Variants in RAD51B observed in about 807,000 individuals in gnomAD.
The protein encoded by RAD51B is RAD51 paralog B.
A neutral mutation model predicts 42.2 loss-of-function variants in RAD51B; 38 were observed. The observed-to-expected ratio is 0.90, with a 90% CI of 0.70 to 1.18. The LOEUF is 1.18. Among genes scored for constraint, RAD51B ranks in the 50% most tolerant of loss-of-function variants. RAD51B has a pLI of 0.00. For missense variants in RAD51B, 373 were observed against 400.7 expected (o/e 0.93, Z 0.59); for synonymous variants, 154 against 145.2 (o/e 1.06, Z -0.43).
intron 10 of RAD51B, among the ~76,000 whole-genome samples, chr14:68,502,400 G>A (rs1000360705): frequency 3.3e-5 from 5 of 152,208 alleles, no homozygotes; most frequent in African/African-American, 1.2e-4. Flanking sequence ...CTCCCCCCAC[G>A]GGCCGCCCGG....
downstream of RAD51B, among the ~76,000 whole-genome samples, chr14:68,482,180 T>TGTGTGTGTGTGG: frequency 6.6e-6 from 1 of 151,458 alleles, no homozygotes; most frequent in South Asian, 2.1e-4. Flanking sequence ...TTTAGGGGTG[T>TGTGTGTGTGTGG]GTGTGTGTGT....
At chr14:68,411,695 T>C (rs1217145232) in intron 9 of RAD51B, among the ~76,000 whole-genome samples, 168 bp downstream of exon 9, 2 of 152,084 alleles carry the variant, frequency 1.3e-5, no homozygotes, top group African/African-American at 2.4e-5. Flanking sequence ...ACAGTTATAA[T>C]AAAGTGGGGA....
At chr14:68,328,227 A>G (rs906697604) in intron 8 of RAD51B, among the ~76,000 whole-genome samples, 16 of 152,202 alleles carry the variant, frequency 1.1e-4, no homozygotes, top group Admixed American at 3.3e-4. Flanking sequence ...TCTTAGATCT[A>G]TGGGAACAAT....
In RAD51B at chr14:68,682,102, C is replaced by CT. The variant is rs1047697756; in HGVS notation, c.*11+31255dup. 3.7e-4 allele frequency among the ~76,000 whole-genome samples: 56 copies of CT among 151,610 alleles called. No homozygotes were observed. In the East Asian group the frequency reaches 7.0e-3, roughly 19 times the overall value. On this transcript the variant is annotated intron_variant, in intron 11 of 11. Transcript: ENST00000488612. ...CGTGCCTTAAACTTATGTCATCTCA[C>CT]TTTTTTTTTGTCAGCAGCCTAGAGG...
intron 10 of RAD51B, among the ~76,000 whole-genome samples, chr14:68,489,422 C>A (rs1466304554): frequency 6.6e-6 from 1 of 152,138 alleles, no homozygotes; most frequent in African/African-American, 2.4e-5. Context: ...TTATTTAATG[C>A]ATGTAAGTAC....
rs770351456 is a variant in RAD51B at position 68,291,917 on chromosome 14, AG to A, written c.791del (p.Ser264MetfsTer29). 1 of 1,613,786 alleles carries A rather than the reference AG, an allele frequency of 6.2e-7. No individual in the cohort carries two copies. Among genetic ancestry groups the A allele is most frequent in the Non-Finnish European group, 8.5e-7 (1 of 1,179,824 alleles). ...ILTNQITTHL[S>X]GALASQADLV... ...GACGAATCAGATTACAACCCATCTG[AG>A]TGGAGCCCTGGCTTCTCAGGCAGAC... On this transcript the variant is annotated frameshift_variant, in exon 8 of 11. Coordinates refer to ENST00000471583, the MANE Select transcript of RAD51B (RefSeq NM_133510.4). LOFTEE classifies it high-confidence loss of function.
At chr14:68,127,352 A>G (rs1201771282) in intron 7 of RAD51B, among the ~76,000 whole-genome samples, 1 of 152,084 alleles carries the variant, frequency 6.6e-6, no homozygotes, top group Non-Finnish European at 1.5e-5. Context: ...TACTGTTTCA[A>G]CGATTTGTTT....
At chr14:68,585,648 G>T (rs368957862) in intron 10 of RAD51B, among the ~76,000 whole-genome samples, 1 of 152,126 alleles carries the variant, frequency 6.6e-6, no homozygotes, top group South Asian at 2.1e-4. Flanking sequence ...AAATCAGCTG[G>T]AACAGGGCAG....
intron 10 of RAD51B, among the ~76,000 whole-genome samples, chr14:68,586,386 G>A (rs566553637): frequency 3.9e-5 from 6 of 152,252 alleles, no homozygotes; most frequent in South Asian, 2.1e-4. Context: ...TTTGCGGTGC[G>A]CCCAAGAACC....
intron 7 of RAD51B, among the ~76,000 whole-genome samples, chr14:68,151,178 A>G (rs1427663457): frequency 2.0e-5 from 3 of 151,820 alleles, no homozygotes; most frequent in Non-Finnish European, 2.9e-5. Context: ...TTTGTTGGGT[A>G]TAGAATTCTA....
intron 11 of RAD51B, among the ~76,000 whole-genome samples, chr14:68,662,131 G>A (rs984992070): frequency 6.6e-6 from 1 of 152,220 alleles, no homozygotes; most frequent in Non-Finnish European, 1.5e-5. Context: ...GCCAGCAGGA[G>A]AAATACCTCC....
intron 10 of RAD51B, among the ~76,000 whole-genome samples, chr14:68,583,134 G>A (rs1410097901): frequency 1.1e-4 from 17 of 152,098 alleles, no homozygotes; most frequent in Admixed American, 1.1e-3. Flanking sequence ...ATGTATCCCA[G>A]AACTTAAAGT....
At chr14:68,237,182 C>G (rs1040687057) in intron 7 of RAD51B, among the ~76,000 whole-genome samples, 3 of 152,194 alleles carry the variant, frequency 2.0e-5, no homozygotes, top group Non-Finnish European at 4.4e-5. Flanking sequence ...TTCCAGCCTA[C>G]AGAGCACCTG....
At chr14:68,271,965 A>G (rs1051592535) in intron 7 of RAD51B, among the ~76,000 whole-genome samples, 6 of 152,242 alleles carry the variant, frequency 3.9e-5, no homozygotes, top group African/African-American at 1.4e-4. Context: ...AGGCAAATGC[A>G]TGAAGTTATC....
intron 7 of RAD51B, among the ~76,000 whole-genome samples, chr14:68,211,438 T>A (rs1318890227): frequency 6.6e-6 from 1 of 152,108 alleles, no homozygotes; most frequent in Non-Finnish European, 1.5e-5. Context: ...GCACCTCTTT[T>A]GTGTTGCCAA....
At position 68,575,357 on chromosome 14, in the gene RAD51B, C is replaced by G. The variant is rs887686397; in HGVS notation, c.1037-19128C>G. ...CTGATGCCAAGGCTTACATGACAAG[C>G]TCCCTCCCTGCTCCCTGCTCCCCCT... On this transcript the variant is annotated intron_variant, in intron 10 of 10. Transcript: ENST00000487270. Among the ~76,000 whole-genome samples the G allele has an allele frequency of 2.6e-5, 4 of 152,204 alleles. No individual in the cohort carries two copies. In the South Asian group the frequency reaches 8.3e-4, roughly 31 times the overall value.
intron 7 of RAD51B, among the ~76,000 whole-genome samples, chr14:68,222,835 G>A (rs2079957749): frequency 6.6e-6 from 1 of 152,012 alleles, no homozygotes; most frequent in Non-Finnish European, 1.5e-5. Flanking sequence ...TTGTTGACTC[G>A]TTATCTCTTA....
chr14:68,300,204 A>G (rs2081698916), intron 8 of RAD51B, among the ~76,000 whole-genome samples: 1 of 152,060 alleles, frequency 6.6e-6, no homozygotes, highest in Admixed American at 6.6e-5. Flanking sequence ...AGTCATTTTC[A>G]TTCTCAGCAT....
chr14:67,925,617 A>G (rs528098886), intron 7 of RAD51B, among the ~76,000 whole-genome samples: 1 of 152,170 alleles, frequency 6.6e-6, no homozygotes, highest in East Asian at 1.9e-4. Flanking sequence ...ATCTTCTCAC[A>G]GCTACACTAG....
Sources: gnomAD v4.1 joint callset for allele counts (sites outside exome capture counted in the v4.1 genomes callset) on GRCh38, gnomAD v4.1.1 for gene constraint, MANE v1.5 for transcripts, NCBI Gene and HGNC (gene_info 2026-07-23, HGNC 2026-07-21) for gene names.